Variants in MAP4K3 observed in about 807,000 individuals in gnomAD.
The protein encoded by MAP4K3 is mitogen-activated protein kinase kinase kinase kinase 3.
Under a neutral mutation model 143.5 loss-of-function variants are expected in MAP4K3, and 94 were observed. The ratio of observed to expected loss-of-function variants is 0.65; its 90% CI spans 0.55 to 0.78. The LOEUF (loss-of-function observed/expected upper bound fraction) is 0.78, where lower values mean the gene tolerates loss of function less well. Ranked by LOEUF, MAP4K3 falls within the 30% of genes least tolerant of loss-of-function variation. The pLI is 0.00. For missense variants in MAP4K3, 1,077 were observed against 1,068.1 expected, an observed-to-expected ratio of 1.01 and a Z score of -0.12; for synonymous variants, 416 against 347.2, an observed-to-expected ratio of 1.20 and a Z score of -2.20.
intron 1 of MAP4K3, among the ~76,000 whole-genome samples, chr2:39,433,356 A>G (rs1465063892): frequency 6.6e-6 from 1 of 152,192 alleles, no homozygotes; most frequent in African/African-American, 2.4e-5. Flanking sequence ...GCCTTATCCC[A>G]TCTCCAGCTT....
In MAP4K3 at chr2:39,437,206, G is replaced by A. The variant is rs1335243933; in HGVS notation, c.-219C>T. On this transcript the variant is annotated 5_prime_UTR_variant, in exon 1 of 34. Coordinates refer to ENST00000263881, the MANE Select transcript of MAP4K3 (RefSeq NM_003618.4). Reference sequence around the variant, plus strand: ...TCCCCGCCCCCCGCGGCCCGCCGCCGCGCCGAACCTGGTCACACCCACAAG... The same window carrying A: ...TCCCCGCCCCCCGCGGCCCGCCGCCACGCCGAACCTGGTCACACCCACAAG... The A allele has an allele frequency of 3.0e-6, 1 of 331,660 alleles. No individual in the cohort carries two copies. The highest frequency in any genetic ancestry group is 5.4e-6 in the Non-Finnish European group (1 of 185,724). The allele number at this position is 331,660 out of a possible 1,614,324, so 20.5% of individuals were successfully genotyped here. A position where few individuals can be genotyped will look rare whatever the true frequency, so the allele number is the denominator to read the frequency against.
chr2:39,281,978 G>C (rs1356180540), intron 22 of MAP4K3, among the ~76,000 whole-genome samples: 2 of 152,036 alleles, frequency 1.3e-5, no homozygotes, highest in African/African-American at 4.8e-5. Context: ...CACATCACCT[G>C]AGGTCAGAAG....
intron 1 of MAP4K3, among the ~76,000 whole-genome samples, chr2:39,393,258 T>C (rs1047445327): frequency 4.6e-5 from 7 of 152,208 alleles, no homozygotes; most frequent in Non-Finnish European, 7.4e-5. Flanking sequence ...TGGTGGCAAA[T>C]GTGTAAAATA....
At chr2:39,344,403 G>A (rs1558657345) in intron 3 of MAP4K3, among the ~76,000 whole-genome samples, 1 of 152,180 alleles carries the variant, frequency 6.6e-6, no homozygotes, top group African/African-American at 2.4e-5. Flanking sequence ...AAATAAAATG[G>A]TTGAGAAAAT....
At chr2:39,365,020 G>T (rs1310538588) in intron 2 of MAP4K3, among the ~76,000 whole-genome samples, 1 of 152,114 alleles carries the variant, frequency 6.6e-6, no homozygotes, top group African/African-American at 2.4e-5. Context: ...ACCTGGAAAG[G>T]AAAAATGAAT....
chr2:39,423,778 T>C (rs908273816), intron 1 of MAP4K3, among the ~76,000 whole-genome samples: 4 of 152,196 alleles, frequency 2.6e-5, no homozygotes, highest in African/African-American at 9.7e-5. Flanking sequence ...GAATGGAAGA[T>C]GAATAGATAG....
At chr2:39,409,187 T>G (rs373959712) in intron 1 of MAP4K3, among the ~76,000 whole-genome samples, 2 of 152,228 alleles carry the variant, frequency 1.3e-5, no homozygotes, top group Admixed American at 1.3e-4. Context: ...TTCCTTATGA[T>G]TTCTTCGCCT....
chr2:39,407,550 G>A (rs1016863918), intron 1 of MAP4K3, among the ~76,000 whole-genome samples: 1 of 152,098 alleles, frequency 6.6e-6, no homozygotes, highest in Admixed American at 6.5e-5. Context: ...AGGTTTGTTT[G>A]TTTGTTTTTG....
intron 1 of MAP4K3, among the ~76,000 whole-genome samples, chr2:39,417,182 T>C (rs1160119500): frequency 1.3e-5 from 2 of 151,864 alleles, no homozygotes; most frequent in South Asian, 2.1e-4. Flanking sequence ...AATTCATAAA[T>C]GGATACCAGG....
At position 39,265,324 on chromosome 2, in the gene MAP4K3, T is replaced by A. The variant is rs755441498; in HGVS notation, c.2033-18A>T. ...ATTTCTTACTGTCAAAGCAAAAATATAAATGAGTTCTCTTATAAAACAAAG... is the reference window on the plus strand; with the variant it reads ...ATTTCTTACTGTCAAAGCAAAAATAAAAATGAGTTCTCTTATAAAACAAAG... On this transcript the variant is annotated intron_variant, in intron 27 of 33. Transcript: ENST00000263881. The A allele has an allele frequency of 9.2e-6, 13 of 1,409,016 alleles. No homozygotes were observed. The highest frequency in any genetic ancestry group is 1.3e-5 in the Non-Finnish European group (13 of 994,430). The allele number at this position is 1,409,016 out of a possible 1,614,324, so 87.3% of individuals were successfully genotyped here.
At chr2:39,298,372 T>C in intron 16 of MAP4K3, among the ~76,000 whole-genome samples, 1 of 152,096 alleles carries the variant, frequency 6.6e-6, no homozygotes. Flanking sequence ...AATAATAGTA[T>C]CAAAGCTAAT....
In MAP4K3 at chr2:39,326,129, A is replaced by AGTG. The variant is rs1683482259; in HGVS notation, c.662+16_662+17insCAC. On this transcript the variant is annotated intron_variant, in intron 9 of 33. Transcript: ENST00000263881. ...AAAAACCTTAAGCGTAAGATTCTTC[A>AGTG]ATGATGATGCACTGACCTCATTGGG... 6.2e-7 allele frequency: 1 copy of AGTG among 1,605,694 alleles called. No individual in the cohort carries two copies. Among genetic ancestry groups the AGTG allele is most frequent in the South Asian group, 1.1e-5 (1 of 89,072 alleles).
At position 39,403,871 on chromosome 2, in the gene MAP4K3, C is replaced by T. The variant is rs143652847; in HGVS notation, c.97-25748G>A. On this transcript the variant is annotated intron_variant, in intron 1 of 33. Transcript: ENST00000263881. The stretch of plus-strand genomic sequence containing the variant: ...GAAGAGTGAAGAGGACTCTAACCTG[C>T]ATCTTGGATACCAGCTCAGCCACAC... Among the ~76,000 whole-genome samples the T allele has an allele frequency of 3.2e-3, 488 of 151,066 alleles. 5 individuals carry two copies. Among genetic ancestry groups the T allele is most frequent in the East Asian group, 2.0e-3 (10 of 5,042 alleles).
intron 3 of MAP4K3, among the ~76,000 whole-genome samples, chr2:39,352,730 G>T (rs1157284974): frequency 2.0e-5 from 3 of 152,092 alleles, no homozygotes; most frequent in Non-Finnish European, 4.4e-5. Flanking sequence ...TCATAAGCGA[G>T]CACAGCTACC....
At chr2:39,355,359 C>CAAAAA (rs34355105) in intron 3 of MAP4K3, among the ~76,000 whole-genome samples, 3 of 34,540 alleles carry the variant, frequency 8.7e-5, no homozygotes, top group Admixed American at 3.2e-4. Flanking sequence ...GACTCCACCT[C>CAAAAA]AAAAAAAAAA....
intron 24 of MAP4K3, among the ~76,000 whole-genome samples, 171 bp from the exon 25 acceptor site, chr2:39,272,713 T>TA (rs1320666536): frequency 6.6e-6 from 1 of 152,200 alleles, no homozygotes; most frequent in African/African-American, 2.4e-5. Flanking sequence ...TATATATACA[T>TA]ACATATTTAT....
intron 15 of MAP4K3, chr2:39,303,035 G>C (rs1171892642): frequency 6.0e-6 from 1 of 166,884 alleles, no homozygotes; most frequent in Non-Finnish European, 1.5e-5. Context: ...TCTTATTGTA[G>C]TTTTAAAAAA....
In MAP4K3 at chr2:39,396,361, G is replaced by A. The variant is rs953136515; in HGVS notation, c.97-18238C>T. 2.0e-5 allele frequency among the ~76,000 whole-genome samples: 3 copies of A among 151,794 alleles called. No individual in the cohort carries two copies. The South Asian group carries it at 6.2e-4, about 32-fold the overall frequency. ...GCCTACAAGTATTTGTATACCAATA[G>A]CTTAATATTCCATAGTCCACTTAGG... On this transcript the variant is annotated intron_variant, in intron 1 of 33. Coordinates refer to ENST00000263881, the MANE Select transcript of MAP4K3 (RefSeq NM_003618.4).
chr2:39,372,543 A>G (rs1238434154), intron 2 of MAP4K3, among the ~76,000 whole-genome samples: 1 of 152,068 alleles, frequency 6.6e-6, no homozygotes, highest in Non-Finnish European at 1.5e-5. Context: ...TTCAAATTAT[A>G]CTACAGAGCT....
Sources: allele counts gnomAD v4.1 joint callset (sites outside exome capture counted in the v4.1 genomes callset), GRCh38; gene constraint gnomAD v4.1.1; transcripts MANE v1.5; gene names NCBI Gene and HGNC (gene_info 2026-07-23, HGNC 2026-07-21).